The following SULT1B1 variants were observed in gnomAD, a reference collection of about 807,000 sequenced individuals.
The protein encoded by SULT1B1 is sulfotransferase 1B1.
A neutral mutation model predicts 34.6 loss-of-function variants in SULT1B1; 28 were observed. The ratio of observed to expected loss-of-function variants is 0.81; its 90% CI spans 0.60 to 1.11. SULT1B1 has a LOEUF of 1.11. Among genes scored for constraint, SULT1B1 ranks in the 50% least tolerant of loss-of-function variants. The pLI is 0.00. For synonymous variants in SULT1B1, 147 were observed against 110.2 expected (o/e 1.33, Z -2.09); for missense variants, 374 against 352.2 (o/e 1.06, Z -0.50).
rs145210807 is a variant in SULT1B1, at chr4:69,733,708, A to G, written c.503-201T>C. Among the ~76,000 whole-genome samples, 512 of 152,278 alleles carry G rather than the reference A, an allele frequency of 3.4e-3. 7 individuals carry two copies. Among genetic ancestry groups the G allele is most frequent in the African/African-American group, 0.012 (480 of 41,588 alleles). ...TTTTAATGTCAAGTACAAAGAAAGC[A>G]TTTCAGACAAAAATACACTGACCTC... On this transcript the variant is annotated intron_variant, in intron 5 of 7. Coordinates refer to ENST00000310613, the MANE Select transcript of SULT1B1 (RefSeq NM_014465.4).
intron 4 of SULT1B1, among the ~76,000 whole-genome samples, chr4:69,739,765 C>CA (rs1718468665): frequency 1.3e-5 from 2 of 152,214 alleles, no homozygotes; most frequent in South Asian, 4.1e-4. Context: ...CATCAGGCTG[C>CA]AAATTTTCCA....
chr4:69,728,656 G>A (rs201929205), intron 7 of SULT1B1, among the ~76,000 whole-genome samples: 21 of 152,018 alleles, frequency 1.4e-4, no homozygotes, highest in African/African-American at 4.1e-4. Flanking sequence ...AAGGAAGAAC[G>A]GAAGAATGGA....
chr4:69,737,499 A>C (rs1357903338), intron 4 of SULT1B1, among the ~76,000 whole-genome samples: 1 of 152,216 alleles, frequency 6.6e-6, no homozygotes, highest in African/African-American at 2.4e-5. Context: ...ATTGAGGCAA[A>C]AGTTACATTA....
intron 7 of SULT1B1, among the ~76,000 whole-genome samples, chr4:69,729,412 G>A (rs1216598657): frequency 3.9e-5 from 6 of 152,158 alleles, no homozygotes; most frequent in Non-Finnish European, 7.4e-5. Flanking sequence ...AGCAAGGGAT[G>A]ACTGTCCATA....
chr4:69,751,198 G>A (rs947421309), intron 3 of SULT1B1, among the ~76,000 whole-genome samples: 1 of 152,160 alleles, frequency 6.6e-6, no homozygotes, highest in Non-Finnish European at 1.5e-5. Flanking sequence ...ATATAAAAAT[G>A]AGAAATTGTA....
At chr4:69,750,700 A>G (rs1718945504) in intron 3 of SULT1B1, among the ~76,000 whole-genome samples, 1 of 152,212 alleles carries the variant, frequency 6.6e-6, no homozygotes, top group African/African-American at 2.4e-5. Context: ...ATGTTCTATG[A>G]AACACATTTT....
chr4:69,728,345 C>T (rs1481753108), intron 7 of SULT1B1, among the ~76,000 whole-genome samples: 5 of 152,032 alleles, frequency 3.3e-5, no homozygotes, highest in Non-Finnish European at 7.4e-5. Context: ...GGACATACGA[C>T]CAAACATTGG....
At chr4:69,757,620 T>A (rs1030282538) in intron 1 of SULT1B1, among the ~76,000 whole-genome samples, 2 of 152,046 alleles carry the variant, frequency 1.3e-5, no homozygotes, top group African/African-American at 2.4e-5. Context: ...AGGGAGAAAT[T>A]TGGGCAAATA....
At chr4:69,736,771 A>G (rs552155933) in intron 4 of SULT1B1, among the ~76,000 whole-genome samples, 1 of 152,250 alleles carries the variant, frequency 6.6e-6, no homozygotes, top group Admixed American at 6.5e-5. Flanking sequence ...ATCAGCAAAC[A>G]TAAAGGTATA....
intron 4 of SULT1B1, among the ~76,000 whole-genome samples, chr4:69,744,637 G>C (rs1392811643): frequency 6.6e-6 from 1 of 152,120 alleles, no homozygotes; most frequent in Non-Finnish European, 1.5e-5. Flanking sequence ...TGTGAATCTA[G>C]CTAGTGGTAT....
At chr4:69,734,332 C>A in intron 4 of SULT1B1, 68 bp from the exon 5 acceptor site, 1 of 1,521,500 alleles carries the variant, frequency 6.6e-7, no homozygotes, top group East Asian at 2.4e-5. Flanking sequence ...AAAAAATTAA[C>A]CTATACGCAT....
At chr4:69,755,032 T>G (rs1719134493) in intron 2 of SULT1B1, 38 bp downstream of exon 2, 1 of 1,539,788 alleles carries the variant, frequency 6.5e-7, no homozygotes, top group Non-Finnish European at 8.9e-7. Context: ...AAACAAAAAA[T>G]GAGGTCGGAC....
chr4:69,733,323 C>A, intron 6 of SULT1B1, 90 bp downstream of exon 6: 2 of 841,154 alleles, frequency 2.4e-6, no homozygotes, highest in Non-Finnish European at 3.6e-6. Flanking sequence ...TCATTTTGGA[C>A]TCGATAGACT....
At chr4:69,737,931 G>T (rs1344916535) in intron 4 of SULT1B1, among the ~76,000 whole-genome samples, 1 of 152,036 alleles carries the variant, frequency 6.6e-6, no homozygotes, top group Non-Finnish European at 1.5e-5. Context: ...TGTGTCACTG[G>T]GGTTTTGTGT....
At chr4:69,732,437 C>T (rs1462577322) in intron 6 of SULT1B1, among the ~76,000 whole-genome samples, 1 of 152,046 alleles carries the variant, frequency 6.6e-6, no homozygotes, top group Non-Finnish European at 1.5e-5. Flanking sequence ...TTACCACTCA[C>T]TCATTTATTT....
At chr4:69,735,116 C>A (rs1341253675) in intron 4 of SULT1B1, among the ~76,000 whole-genome samples, 2 of 152,148 alleles carry the variant, frequency 1.3e-5, no homozygotes, top group Non-Finnish European at 2.9e-5. Context: ...TCGTGCCCGG[C>A]CTTTTGTATT....
intron 4 of SULT1B1, among the ~76,000 whole-genome samples, chr4:69,743,830 G>T (rs1718647014): frequency 6.6e-6 from 1 of 152,210 alleles, no homozygotes; most frequent in Non-Finnish European, 1.5e-5. Flanking sequence ...GTAGTGGCCA[G>T]ATAGTGGGAG....
intron 4 of SULT1B1, among the ~76,000 whole-genome samples, chr4:69,741,947 C>T (rs930324913): frequency 1.3e-5 from 2 of 152,082 alleles, no homozygotes; most frequent in African/African-American, 2.4e-5. Flanking sequence ...AGTGGGCATC[C>T]TTGTTTTGTT....
intron 7 of SULT1B1, 32 bp downstream of exon 7, chr4:69,730,469 G>A (rs747294189): frequency 1.3e-5 from 21 of 1,565,674 alleles, no homozygotes; most frequent in African/African-American, 5.4e-5. Flanking sequence ...AAGAAAGTAC[G>A]AAAGGGAAAT....
Sources: gnomAD v4.1 joint callset for allele counts (sites outside exome capture counted in the v4.1 genomes callset) on GRCh38, gnomAD v4.1.1 for gene constraint, MANE v1.5 for transcripts, NCBI Gene and HGNC (gene_info 2026-07-23, HGNC 2026-07-21) for gene names.